The following CDKAL1 variants were observed in gnomAD, a reference collection of about 807,000 sequenced individuals.
CDKAL1 encodes the protein CDKAL1 threonylcarbamoyladenosine tRNA methylthiotransferase.
In CDKAL1, 32 loss-of-function variants were observed where a neutral mutation model predicts 68.2. The observed-to-expected ratio is 0.47, with a 90% confidence interval of 0.35 to 0.63. The LOEUF (loss-of-function observed/expected upper bound fraction) is 0.63, where lower values mean the gene tolerates loss of function less well. Among genes scored for constraint, CDKAL1 ranks in the 30% least tolerant of loss-of-function variants. The pLI is 0.00. For missense variants in CDKAL1, 606 were observed against 696.7 expected, an observed-to-expected ratio of 0.87 and a Z score of 1.47; for synonymous variants, 234 against 244.3, an observed-to-expected ratio of 0.96 and a Z score of 0.39.
intron 9 of CDKAL1, among the ~76,000 whole-genome samples, chr6:20,880,289 C>T (rs2150560365): frequency 6.6e-6 from 1 of 152,100 alleles, no homozygotes; most frequent in Non-Finnish European, 1.5e-5. Flanking sequence ...TGGAATCTCT[C>T]TCTGTTTCCA....
At chr6:21,215,783 A>G (rs1240589442) in intron 15 of CDKAL1, among the ~76,000 whole-genome samples, 1 of 152,168 alleles carries the variant, frequency 6.6e-6, no homozygotes, top group South Asian at 2.1e-4. Context: ...GACCTGTGGT[A>G]GGCAGAATAA....
At chr6:20,988,192 G>GTGTGTGTGTGTGTGTA (rs1766587700) in intron 10 of CDKAL1, among the ~76,000 whole-genome samples, 1 of 150,580 alleles carries the variant, frequency 6.6e-6, no homozygotes, top group Admixed American at 6.6e-5. Context: ...ATGTGTGTGT[G>GTGTGTGTGTGTGTGTA]TGTGTGTGTG....
intron 15 of CDKAL1, among the ~76,000 whole-genome samples, chr6:21,218,569 G>A (rs2079283559): frequency 6.6e-6 from 1 of 152,164 alleles, no homozygotes; most frequent in Admixed American, 6.6e-5. Context: ...CACTTTTATG[G>A]TGATGGCAGG....
chr6:21,191,032 A>G (rs956814594), intron 13 of CDKAL1, among the ~76,000 whole-genome samples: 7 of 152,318 alleles, frequency 4.6e-5, no homozygotes, highest in East Asian at 1.9e-4. Context: ...TTTAAGAGAA[A>G]CCTTTTGCTT....
At chr6:20,998,530 G>A (rs1445098805) in intron 10 of CDKAL1, among the ~76,000 whole-genome samples, 1 of 151,948 alleles carries the variant, frequency 6.6e-6, no homozygotes, top group Non-Finnish European at 1.5e-5. Flanking sequence ...AGAATCACTT[G>A]AACCCGGGAG....
chr6:20,551,370 CT>C (rs34611621), intron 4 of CDKAL1, among the ~76,000 whole-genome samples: 194 of 141,352 alleles, frequency 1.4e-3, no homozygotes, highest in Middle Eastern at 3.7e-3. Flanking sequence ...ACTAAAATAT[CT>C]TTTTTTTTTT....
At chr6:21,084,669 TCTAA>T (rs1246472567) in intron 12 of CDKAL1, among the ~76,000 whole-genome samples, 1 of 152,342 alleles carries the variant, frequency 6.6e-6, no homozygotes, top group South Asian at 2.1e-4. Flanking sequence ...AAGTATTCCC[TCTAA>T]CTATTTTCTG....
chr6:20,541,695 T>C (rs990673893), intron 2 of CDKAL1, among the ~76,000 whole-genome samples: 3 of 152,064 alleles, frequency 2.0e-5, no homozygotes, highest in African/African-American at 7.2e-5. Flanking sequence ...AGTTTCGCTC[T>C]TGTTGCCCAG....
Position 20,535,660 on chromosome 6 carries a change from G to A in CDKAL1, c.-6+266G>A, listed in dbSNP as rs76441435. 6.9e-3 allele frequency among the ~76,000 whole-genome samples: 1,047 copies of A among 151,948 alleles called. 10 individuals carry two copies. Among genetic ancestry groups the A allele is most frequent in the African/African-American group, 0.024 (994 of 41,436 alleles). ...GGCCCATGGATTTTTTTCCTTGTCT[G>A]GTGGCTGCTTCTTGGAATCCATTAT... On this transcript the variant is annotated intron_variant, in intron 2 of 15. Coordinates refer to ENST00000274695, the MANE Select transcript of CDKAL1 (RefSeq NM_017774.3).
intron 11 of CDKAL1, among the ~76,000 whole-genome samples, chr6:21,049,817 C>CT (rs58277582): frequency 0.014 from 1,957 of 137,116 alleles, 44 homozygotes; most frequent in African/African-American, 0.045. Flanking sequence ...GTCTCTCATC[C>CT]TTTTTTTTTT....
chr6:20,943,636 T>C (rs1561904067), intron 9 of CDKAL1, among the ~76,000 whole-genome samples: 1 of 150,970 alleles, frequency 6.6e-6, no homozygotes, highest in Non-Finnish European at 1.5e-5. Flanking sequence ...CACTAGGTTC[T>C]TTTCAAATAT....
chr6:20,734,858 C>T (rs916427383), intron 5 of CDKAL1, among the ~76,000 whole-genome samples: 1 of 142,332 alleles, frequency 7.0e-6, no homozygotes, highest in East Asian at 2.1e-4. Context: ...CAAGTTGCTG[C>T]ACCTCTTTTT....
chr6:20,836,518 T>C (rs995664016), intron 8 of CDKAL1, among the ~76,000 whole-genome samples: 1 of 152,172 alleles, frequency 6.6e-6, no homozygotes, highest in Non-Finnish European at 1.5e-5. Context: ...TATCACCACC[T>C]CTTGGGATGG....
At chr6:21,049,571 G>A (rs1770427624) in intron 11 of CDKAL1, among the ~76,000 whole-genome samples, 1 of 151,952 alleles carries the variant, frequency 6.6e-6, no homozygotes, top group South Asian at 2.1e-4. Flanking sequence ...TAATTTTTAA[G>A]GCAATATCTT....
intron 6 of CDKAL1, among the ~76,000 whole-genome samples, chr6:20,748,374 A>G (rs1173684395): frequency 6.6e-6 from 1 of 151,734 alleles, no homozygotes; most frequent in Non-Finnish European, 1.5e-5. Flanking sequence ...GCCTGGCATG[A>G]TGGCATACTC....
intron 4 of CDKAL1, among the ~76,000 whole-genome samples, chr6:20,648,464 C>T (rs957938825): frequency 1.1e-5 from 1 of 92,388 alleles, no homozygotes; most frequent in African/African-American, 4.5e-5. Flanking sequence ...ACCAGAAACT[C>T]TGATGTGCTT....
chr6:20,745,835 G>T (rs1239813224), intron 6 of CDKAL1, among the ~76,000 whole-genome samples: 1 of 152,224 alleles, frequency 6.6e-6, no homozygotes, highest in Non-Finnish European at 1.5e-5. Flanking sequence ...CCATGGGTTG[G>T]ACAAGTCTGA....
chr6:20,672,334 GTCTC>G (rs1169822037), intron 5 of CDKAL1, among the ~76,000 whole-genome samples: 2 of 129,422 alleles, frequency 1.5e-5, no homozygotes, highest in African/African-American at 5.8e-5. Flanking sequence ...TTCTCTCTCT[GTCTC>G]TCTCTCTCTC....
intron 5 of CDKAL1, among the ~76,000 whole-genome samples, chr6:20,675,130 C>T (rs528925496): frequency 6.6e-6 from 1 of 151,522 alleles, no homozygotes; most frequent in African/African-American, 2.4e-5. Context: ...ATTTGGGGTC[C>T]ATTTGTGATA....
Sources: gnomAD v4.1 joint callset for allele counts (sites outside exome capture counted in the v4.1 genomes callset) on GRCh38, gnomAD v4.1.1 for gene constraint, MANE v1.5 for transcripts, NCBI Gene and HGNC (gene_info 2026-07-23, HGNC 2026-07-21) for gene names.